GALNT13: variants seen among roughly 807,000 people sequenced by gnomAD.
GALNT13 encodes the protein polypeptide N-acetylgalactosaminyltransferase 13.
GALNT13 carries 28 observed loss-of-function variants against 64.2 expected under a neutral mutation model. The ratio of observed to expected loss-of-function variants is 0.44; its 90% CI spans 0.32 to 0.60. The LOEUF is 0.60. GALNT13 is among the 20% of genes least tolerant of loss of function. The pLI is 0.05. For synonymous variants in GALNT13, 214 were observed against 224.6 expected (o/e 0.95, Z 0.42); for missense variants, 577 against 669.8 (o/e 0.86, Z 1.53).
intron 3 of GALNT13, among the ~76,000 whole-genome samples, chr2:154,095,640 G>A (rs1702037535): frequency 1.3e-5 from 2 of 151,758 alleles, no homozygotes; most frequent in Non-Finnish European, 2.9e-5. Flanking sequence ...CTTAATATGT[G>A]AATAGAATGT....
the GALNT13 span, among the ~76,000 whole-genome samples, chr2:153,824,090 C>T: frequency 1.1e-4 from 17 of 152,088 alleles, no homozygotes; most frequent in East Asian, 1.6e-3. Context: ...CCAGTCAGAA[C>T]GGCTGTTATT....
At chr2:154,443,322 A>C (rs935105614) in intron 12 of GALNT13, among the ~76,000 whole-genome samples, 16 of 152,096 alleles carry the variant, frequency 1.1e-4, no homozygotes, top group African/African-American at 3.6e-4. Context: ...GTTCGACTGA[A>C]TGCGTAGATT....
At chr2:153,998,261 T>C (rs78850763) in intron 3 of GALNT13, among the ~76,000 whole-genome samples, 28,324 of 152,042 alleles carry the variant, frequency 0.19, 3,375 homozygotes, top group Non-Finnish European at 0.26. Context: ...GTCCCACCAA[T>C]AGTGTAAAAG....
chr2:153,628,402 G>C, the GALNT13 span, among the ~76,000 whole-genome samples: 2 of 152,096 alleles, frequency 1.3e-5, no homozygotes, highest in Non-Finnish European at 2.9e-5. Flanking sequence ...AGTGGTGAGA[G>C]AGGGCATCCC....
chr2:153,111,354 A>T, the GALNT13 span, among the ~76,000 whole-genome samples: 1 of 152,178 alleles, frequency 6.6e-6, no homozygotes, highest in Non-Finnish European at 1.5e-5. Context: ...TGCCATAATG[A>T]TGCTTTATTC....
the GALNT13 span, among the ~76,000 whole-genome samples, chr2:153,408,397 A>G: frequency 6.6e-6 from 1 of 152,194 alleles, no homozygotes; most frequent in East Asian, 1.9e-4. Context: ...AAACAAGAAA[A>G]AATAAGCAAA....
At chr2:154,008,804 A>G (rs1054181208) in intron 3 of GALNT13, among the ~76,000 whole-genome samples, 9 of 152,072 alleles carry the variant, frequency 5.9e-5, no homozygotes, top group African/African-American at 1.7e-4. Flanking sequence ...TGGTATATAT[A>G]TGTATCTATA....
the GALNT13 span, among the ~76,000 whole-genome samples, chr2:153,455,812 G>A: frequency 6.6e-6 from 1 of 152,126 alleles, no homozygotes; most frequent in Non-Finnish European, 1.5e-5. Context: ...TGCATTTGTG[G>A]CTCCCGAGCT....
At chr2:154,405,784 G>C (rs1183385269) in intron 10 of GALNT13, among the ~76,000 whole-genome samples, 1 of 151,912 alleles carries the variant, frequency 6.6e-6, no homozygotes, top group African/African-American at 2.4e-5. Flanking sequence ...ATTGTGAAAA[G>C]GAACACTACA....
At chr2:153,662,957 AC>A in the GALNT13 span, among the ~76,000 whole-genome samples, 4 of 152,008 alleles carry the variant, frequency 2.6e-5, no homozygotes, top group Non-Finnish European at 4.4e-5. Context: ...CAGGCAATCC[AC>A]TCCTGTAGCA....
At chr2:153,457,412 A>T in the GALNT13 span, among the ~76,000 whole-genome samples, 7 of 152,194 alleles carry the variant, frequency 4.6e-5, no homozygotes, top group Non-Finnish European at 1.0e-4. Context: ...TATTTTCTCA[A>T]ATATCAGAAA....
intron 4 of GALNT13, among the ~76,000 whole-genome samples, chr2:154,211,733 A>G (rs1370184563): frequency 2.0e-5 from 3 of 151,934 alleles, no homozygotes; most frequent in Non-Finnish European, 4.4e-5. Flanking sequence ...TCCTATATAC[A>G]GTTTGTCCTT....
the GALNT13 span, among the ~76,000 whole-genome samples, chr2:153,567,492 C>G: frequency 8.5e-5 from 13 of 152,324 alleles, no homozygotes; most frequent in Non-Finnish European, 1.5e-4. Flanking sequence ...GCTTTGCAGG[C>G]ACAGCATGGT....
At chr2:153,708,478 C>T in the GALNT13 span, among the ~76,000 whole-genome samples, 1 of 152,034 alleles carries the variant, frequency 6.6e-6, no homozygotes, top group Non-Finnish European at 1.5e-5. Context: ...TATAGATATG[C>T]ATCTCAAAAC....
At chr2:153,760,217 C>G in the GALNT13 span, among the ~76,000 whole-genome samples, 1 of 151,700 alleles carries the variant, frequency 6.6e-6, no homozygotes, top group African/African-American at 2.4e-5. Flanking sequence ...TGTTTATCTT[C>G]TCAAAAAACT....
At chr2:153,637,906 A>G in the GALNT13 span, among the ~76,000 whole-genome samples, 2 of 152,194 alleles carry the variant, frequency 1.3e-5, no homozygotes, top group South Asian at 2.1e-4. Context: ...TCTGTAGTCA[A>G]TAAAATTTTG....
chr2:153,257,116 T>C, the GALNT13 span, among the ~76,000 whole-genome samples: 1 of 152,210 alleles, frequency 6.6e-6, no homozygotes, highest in Non-Finnish European at 1.5e-5. Context: ...TCCCTGGGCG[T>C]AGGACCCTCC....
intron 9 of GALNT13, among the ~76,000 whole-genome samples, chr2:154,313,326 A>G (rs1216707236): frequency 6.7e-6 from 1 of 148,286 alleles, no homozygotes; most frequent in African/African-American, 2.5e-5. Context: ...GATTTCATAC[A>G]TATACACACT....
intron 2 of GALNT13, among the ~76,000 whole-genome samples, chr2:153,931,066 A>T (rs1243695417): frequency 2.2e-5 from 3 of 138,286 alleles, no homozygotes; most frequent in African/African-American, 5.5e-5. Context: ...TGTATTCCTA[A>T]GTGTGTGTGT....
Sources: gnomAD v4.1 joint callset for allele counts (sites outside exome capture counted in the v4.1 genomes callset) on GRCh38, gnomAD v4.1.1 for gene constraint, MANE v1.5 for transcripts, NCBI Gene and HGNC (gene_info 2026-07-23, HGNC 2026-07-21) for gene names.